The following GPC5 variants were observed in gnomAD, a reference collection of about 807,000 sequenced individuals.
GPC5 encodes the protein glypican-5.
GPC5 carries 47 observed loss-of-function variants against 53.9 expected under a neutral mutation model. That is an observed-to-expected ratio of 0.87 (90% CI 0.69 to 1.11). The LOEUF is 1.11. Ranked by LOEUF, GPC5 falls within the 50% of genes most tolerant of loss-of-function variation. GPC5 has a pLI of 0.00. For missense variants in GPC5, 748 were observed against 713.1 expected (o/e 1.05, Z -0.56); for synonymous variants, 286 against 263.3 (o/e 1.09, Z -0.84).
intron 7 of GPC5, among the ~76,000 whole-genome samples, chr13:92,317,496 G>C (rs989768963): frequency 6.7e-6 from 1 of 148,816 alleles, no homozygotes; most frequent in Non-Finnish European, 1.5e-5. Context: ...TTTTTGTTTT[G>C]TTTTGTTTTG....
intron 4 of GPC5, among the ~76,000 whole-genome samples, chr13:91,751,166 T>C (rs79289645): frequency 0.02 from 3,113 of 152,144 alleles, 43 homozygotes; most frequent in Non-Finnish European, 0.034. Context: ...AAGTAGGATC[T>C]CCCCCCAAAT....
chr13:92,030,222 C>G (rs1168789184), intron 6 of GPC5, among the ~76,000 whole-genome samples: 5 of 152,128 alleles, frequency 3.3e-5, no homozygotes, highest in African/African-American at 1.2e-4. Context: ...ACTCTCTGTC[C>G]ATAGCATAAG....
At chr13:91,535,548 G>A (rs1381529044) in intron 2 of GPC5, among the ~76,000 whole-genome samples, 1 of 151,904 alleles carries the variant, frequency 6.6e-6, no homozygotes, top group African/African-American at 2.4e-5. Context: ...ATTTAACCTT[G>A]ATCATTCAAA....
intron 2 of GPC5, among the ~76,000 whole-genome samples, chr13:91,544,981 C>T (rs1566492437): frequency 1.3e-5 from 2 of 152,142 alleles, no homozygotes; most frequent in Admixed American, 6.6e-5. Flanking sequence ...ACACAGGAGG[C>T]CTCAATTCCT....
intron 7 of GPC5, among the ~76,000 whole-genome samples, chr13:92,761,247 T>A: frequency 6.6e-6 from 1 of 152,164 alleles, no homozygotes; most frequent in Admixed American, 6.6e-5. Flanking sequence ...TAGCACACTG[T>A]AACATCAAAC....
chr13:92,359,276 C>T (rs1055251762), intron 7 of GPC5, among the ~76,000 whole-genome samples: 3 of 151,588 alleles, frequency 2.0e-5, no homozygotes, highest in Non-Finnish European at 4.4e-5. Context: ...GCAGGAATGA[C>T]CTTTACTCCA....
At chr13:91,443,750 G>A (rs1880602381) in intron 1 of GPC5, among the ~76,000 whole-genome samples, 1 of 152,094 alleles carries the variant, frequency 6.6e-6, no homozygotes, top group South Asian at 2.1e-4. Flanking sequence ...TTTCAGGGAA[G>A]GTAGGAATTA....
At chr13:92,602,803 T>A (rs1409883190) in intron 7 of GPC5, among the ~76,000 whole-genome samples, 1 of 152,108 alleles carries the variant, frequency 6.6e-6, no homozygotes, top group Non-Finnish European at 1.5e-5. Context: ...GATGACTCAC[T>A]AAAAAGACAC....
chr13:92,385,331 TATATAC>T (rs1215278874), intron 7 of GPC5, among the ~76,000 whole-genome samples: 1 of 126,398 alleles, frequency 7.9e-6, no homozygotes, highest in African/African-American at 3.1e-5. Context: ...CATATATACA[TATATAC>T]ATATATATAC....
At chr13:91,758,963 G>C (rs1335534260) in intron 5 of GPC5, among the ~76,000 whole-genome samples, 4 of 151,968 alleles carry the variant, frequency 2.6e-5, no homozygotes, top group African/African-American at 9.7e-5. Context: ...TTGGTTCTCA[G>C]TGCCAGCATA....
At chr13:92,199,047 A>G (rs551176005) in intron 7 of GPC5, among the ~76,000 whole-genome samples, 1 of 152,316 alleles carries the variant, frequency 6.6e-6, no homozygotes, top group South Asian at 2.1e-4. Context: ...TGGAAAAATA[A>G]TTTGCCACTA....
intron 1 of GPC5, among the ~76,000 whole-genome samples, chr13:91,402,373 T>C (rs1877019054): frequency 6.6e-6 from 1 of 152,206 alleles, no homozygotes; most frequent in Non-Finnish European, 1.5e-5. Flanking sequence ...AGCAGTGCTC[T>C]GAAGTTGTTG....
chr13:92,210,461 G>C (rs1426368789), intron 7 of GPC5, among the ~76,000 whole-genome samples: 2 of 152,058 alleles, frequency 1.3e-5, no homozygotes, highest in Non-Finnish European at 2.9e-5. Flanking sequence ...GTTGATTCTT[G>C]AATGTAAAAT....
chr13:92,424,463 A>AGTG (rs1390183851), intron 7 of GPC5, among the ~76,000 whole-genome samples: 1 of 152,096 alleles, frequency 6.6e-6, no homozygotes, highest in African/African-American at 2.4e-5. Context: ...AATTTTAAGT[A>AGTG]TTCTCCTCTT....
chr13:92,083,884 A>G (rs1476752354), intron 6 of GPC5, among the ~76,000 whole-genome samples: 3 of 152,220 alleles, frequency 2.0e-5, no homozygotes, highest in Non-Finnish European at 4.4e-5. Context: ...AATGACCATC[A>G]ATGATAGACT....
chr13:92,082,095 T>C (rs2041300370), intron 6 of GPC5, among the ~76,000 whole-genome samples: 1 of 152,268 alleles, frequency 6.6e-6, no homozygotes, highest in South Asian at 2.1e-4. Context: ...GAAGATAGCA[T>C]CATTTAAGCA....
intron 7 of GPC5, among the ~76,000 whole-genome samples, chr13:92,863,023 G>A (rs1749754380): frequency 6.6e-6 from 1 of 152,050 alleles, no homozygotes; most frequent in African/African-American, 2.4e-5. Flanking sequence ...TTGCCCACAT[G>A]GATTCTACCT....
intron 7 of GPC5, among the ~76,000 whole-genome samples, chr13:92,809,134 G>A (rs1877204399): frequency 6.6e-6 from 1 of 152,190 alleles, no homozygotes. Flanking sequence ...GAAATGTTCA[G>A]AAGAATGGAC....
In GPC5 at chr13:92,560,632, C is replaced by G. The variant is rs1325132194; in HGVS notation, c.1562-305650C>G. Among the ~76,000 whole-genome samples the G allele has an allele frequency of 2.6e-5, 4 of 151,950 alleles. No homozygotes were observed. The South Asian group carries it at 8.3e-4, about 31-fold the overall frequency. ...ATCACTCATAGATGAGACTCCATACCAGGCAAAAGGTGGAAAGGTCCCAGT... is the reference window on the plus strand; with the variant it reads ...ATCACTCATAGATGAGACTCCATACGAGGCAAAAGGTGGAAAGGTCCCAGT... On this transcript the variant is annotated intron_variant, in intron 7 of 7. Transcript: ENST00000377067.
Sources: allele counts gnomAD v4.1 joint callset (sites outside exome capture counted in the v4.1 genomes callset), GRCh38; gene constraint gnomAD v4.1.1; transcripts MANE v1.5; gene names NCBI Gene and HGNC (gene_info 2026-07-23, HGNC 2026-07-21).